HECTD4: variants seen among roughly 807,000 people sequenced by gnomAD.
HECTD4 encodes HECT domain E3 ubiquitin protein ligase 4.
A neutral mutation model predicts 471.5 loss-of-function variants in HECTD4; 114 were observed. The observed-to-expected ratio is 0.24, with a 90% CI of 0.21 to 0.28. The LOEUF (loss-of-function observed/expected upper bound fraction) is 0.28. HECTD4 is among the 10% of genes least tolerant of loss of function. The pLI is 1.00. For synonymous variants in HECTD4, 2,012 were observed against 2,256.0 expected, an observed-to-expected ratio of 0.89 and a Z score of 3.07; for missense variants, 3,866 against 5,651.5, an observed-to-expected ratio of 0.68 and a Z score of 10.13.
In HECTD4 at chr12:112,243,438, G is replaced by T. The variant is rs747196497; in HGVS notation, c.4873C>A (p.Arg1625=). 3 of 1,611,068 alleles carry T rather than the reference G, an allele frequency of 1.9e-6. No individual in the cohort carries two copies. The highest frequency in any genetic ancestry group is 2.5e-6 in the Non-Finnish European group (3 of 1,178,658). The change falls in exon 32 of 76, where the codon CGG becomes AGG. Residue 1625 remains arginine (R), a synonymous_variant. Transcript: ENST00000682272. This position sits in a 1 kb window ranked among gnomAD's most constrained non-coding sequence, Gnocchi z 6.6. Reference sequence around the variant, plus strand: ...CGTACGGCAGCTGTCAGCAATTCCCGCATGTGCACCAGTGCCTGCTTGCGA... The same window carrying T: ...CGTACGGCAGCTGTCAGCAATTCCCTCATGTGCACCAGTGCCTGCTTGCGA... ...NTRKQALVHM[R]ELLTAAVRVG... is the part of the protein sequence containing the mutation.
At position 112,166,196 on chromosome 12, in the gene HECTD4, T is replaced by G. The variant is rs1024855018; in HGVS notation, c.12534+1121A>C. On this transcript the variant is annotated intron_variant, in intron 72 of 75. Transcript: ENST00000682272. The surrounding 1 kb of genome is among the most constrained non-coding windows in gnomAD (Gnocchi z 4.6). ...GGAGACGCATAAACCCCCAGCCCAC[T>G]GTGGGTGTTCTTCCACCCTTTAGAC... The G allele has an allele frequency of 3.3e-5, 5 of 152,250 alleles. No homozygotes were observed. Among genetic ancestry groups the G allele is most frequent in the Admixed American group, 2.0e-4 (3 of 15,282 alleles). The allele number at this position is 152,250 out of a possible 1,614,324, so 9.4% of individuals were successfully genotyped here.
At chr12:112,352,515 T>A (rs1046537662) in intron 1 of HECTD4, among the ~76,000 whole-genome samples, 18 of 151,986 alleles carry the variant, frequency 1.2e-4, no homozygotes, top group African/African-American at 4.3e-4. Flanking sequence ...TTTATATTTT[T>A]AGTAGAGACA....
At chr12:112,324,078 CTTT>C (rs1458103476) in intron 1 of HECTD4, among the ~76,000 whole-genome samples, 1,153 of 88,946 alleles carry the variant, frequency 0.013, 222 homozygotes, top group East Asian at 0.043. Flanking sequence ...TTCTTTCTTT[CTTT>C]CTTTCTTTCT....
chr12:112,275,033 C>T, intron 9 of HECTD4, 73 bp from the exon 10 acceptor site: 1 of 911,760 alleles, frequency 1.1e-6, no homozygotes, highest in Middle Eastern at 2.2e-4. Flanking sequence ...AGGCTTTTAA[C>T]AAGACTTTTA....
At chr12:112,311,750 A>C (rs189789717) in intron 4 of HECTD4, among the ~76,000 whole-genome samples, 31 of 152,324 alleles carry the variant, frequency 2.0e-4, no homozygotes, top group Admixed American at 1.3e-4. Flanking sequence ...CATCCTCCTC[A>C]GTGAGAAACT....
In HECTD4 at chr12:112,360,967, A is replaced by G. The variant is rs576364911; in HGVS notation, c.177+20985T>C. On this transcript the variant is annotated intron_variant, in intron 1 of 75. Transcript: ENST00000682272. ...CCATTGCACTCCAGCCTGGTGAACA[A>G]GAGAGAAACTCCGTCTCAAAAAAAA... is the stretch of plus-strand genomic sequence containing the variant. Among the ~76,000 whole-genome samples, 7 of 151,754 alleles carry G rather than the reference A, an allele frequency of 4.6e-5. No homozygotes were observed. The East Asian group carries it at 1.2e-3, about 25-fold the overall frequency.
At chr12:112,269,139 C>G (rs2034358365) in intron 13 of HECTD4, among the ~76,000 whole-genome samples, 1 of 152,018 alleles carries the variant, frequency 6.6e-6, no homozygotes, top group Admixed American at 6.5e-5. Flanking sequence ...TCCCAAAGTG[C>G]TGGGATTACA....
intron 60 of HECTD4, among the ~76,000 whole-genome samples, chr12:112,186,664 T>C (rs2137031152): frequency 7.1e-6 from 1 of 140,940 alleles, no homozygotes; most frequent in Admixed American, 7.1e-5. Flanking sequence ...TTAAGCTGCT[T>C]TTTTTTTTTT....
chr12:112,274,024 AATAG>A (rs986003161), intron 10 of HECTD4, among the ~76,000 whole-genome samples: 1 of 152,254 alleles, frequency 6.6e-6, no homozygotes, highest in African/African-American at 2.4e-5. Context: ...AATCTCACAA[AATAG>A]ATAGCTCTTA....
rs566348352 is a variant in HECTD4, at chr12:112,269,738, G to A, written c.2287C>T (p.Pro763Ser). 6.2e-7 allele frequency: 1 copy of A among 1,613,912 alleles called. No individual in the cohort carries two copies. Among genetic ancestry groups the A allele is most frequent in the East Asian group, 2.2e-5 (1 of 44,882 alleles). ...AGGCAGACTTCCTTCTGAATTTCAG[G>A]GCAAATTTGATCTTTTGGAGCCATC... is the stretch of plus-strand genomic sequence containing the variant. ...LLMAPKDQIC[P>S]EIQKEVCLAI... Residue 763 changes from proline to serine, a missense_variant, in exon 13 of 76, where the codon CCT becomes TCT. By Grantham distance (74) the Pro-to-Ser change is moderately conservative (BLOSUM62 -1). Coordinates refer to ENST00000682272, the MANE Select transcript of HECTD4 (RefSeq NM_001388303.1).
chr12:112,284,295 A>C (rs1333787176), intron 7 of HECTD4, among the ~76,000 whole-genome samples: 1 of 152,100 alleles, frequency 6.6e-6, no homozygotes, highest in Non-Finnish European at 1.5e-5. Context: ...CTTTTGTCAA[A>C]TCTCTCATGG....
intron 53 of HECTD4, among the ~76,000 whole-genome samples, chr12:112,204,283 C>G (rs974865531): frequency 1.3e-5 from 2 of 152,218 alleles, no homozygotes; most frequent in African/African-American, 4.8e-5. Context: ...CCACTCAGCT[C>G]ATGCTACTGA....
intron 41 of HECTD4, among the ~76,000 whole-genome samples, chr12:112,229,097 C>A (rs1666489031): frequency 6.6e-6 from 1 of 152,054 alleles, no homozygotes; most frequent in Non-Finnish European, 1.5e-5. Flanking sequence ...GAGGTTGAGG[C>A]AGGTGGATCA....
At chr12:112,371,045 T>C (rs1041249385) in intron 1 of HECTD4, among the ~76,000 whole-genome samples, 9 of 152,122 alleles carry the variant, frequency 5.9e-5, no homozygotes, top group South Asian at 2.1e-4. Context: ...GACAGTACTT[T>C]CATAATTAAC....
chr12:112,246,919 T>A lies in HECTD4; in HGVS notation c.4495A>T (p.Thr1499Ser), dbSNP rs544699616. The change falls in exon 29 of 76, where the codon ACC becomes TCC. Residue 1499 changes from threonine (T) to serine (S), a missense_variant. By Grantham distance (58) the Thr-to-Ser change is moderately conservative. Coordinates refer to ENST00000682272, the MANE Select transcript of HECTD4 (RefSeq NM_001388303.1). Reference protein sequence around the residue: ...QSGLTRSISGTPAETPACKSA... With the variant: ...QSGLTRSISGSPAETPACKSA... ...GCAGTACCTGGTGTTTCAGCAGGGG[T>A]CCCAGAGATGCTTCTCGTGAGGCCC... The A allele has an allele frequency of 1.2e-6, 2 of 1,612,106 alleles. No homozygotes were observed. Among genetic ancestry groups the A allele is most frequent in the South Asian group, 2.2e-5 (2 of 90,942 alleles).
rs761650768 is a variant in HECTD4, at chr12:112,185,510, T to C, written c.9473-17A>G. 3.3e-6 allele frequency: 5 copies of C among 1,519,362 alleles called. No homozygotes were observed. The highest frequency in any genetic ancestry group is 4.4e-6 in the Non-Finnish European group (5 of 1,127,704). 94.1% of individuals were successfully genotyped at this position (1,519,362 alleles called of 1,614,324 possible). A position where few individuals can be genotyped will look rare whatever the true frequency, so the allele number is the denominator to read the frequency against. On this transcript the variant is annotated splice_polypyrimidine_tract_variant and intron_variant, in intron 60 of 75. Coordinates refer to ENST00000682272, the MANE Select transcript of HECTD4 (RefSeq NM_001388303.1). ...AGAAGTTTCCTGAGGCAAATGAAAA[T>C]AGTAACAGTAATTACTATGCAGCAC...
intron 7 of HECTD4, chr12:112,302,758 T>C (rs2035190972): frequency 3.0e-6 from 1 of 329,164 alleles, no homozygotes. Context: ...TTTCTAATGA[T>C]CCTTGGTAGT....
intron 45 of HECTD4, 147 bp from the exon 46 acceptor site, chr12:112,217,342 C>T (rs2032951733): frequency 6.4e-6 from 3 of 472,222 alleles, no homozygotes; most frequent in Non-Finnish European, 1.1e-5. Flanking sequence ...CACATACACA[C>T]ACACACACAC....
chr12:112,266,310 GAAGAT>G (rs1355053676), intron 14 of HECTD4, among the ~76,000 whole-genome samples: 2 of 152,146 alleles, frequency 1.3e-5, no homozygotes, highest in Non-Finnish European at 2.9e-5. Context: ...TCTAATGTGT[GAAGAT>G]AACTGGCTTA....
Sources: gnomAD v4.1 joint callset for allele counts (sites outside exome capture counted in the v4.1 genomes callset) on GRCh38, gnomAD v4.1.1 for gene constraint, Gnocchi (gnomAD v3.1) non-coding constraint, MANE v1.5 for transcripts, NCBI Gene and HGNC (gene_info 2026-07-23, HGNC 2026-07-21) for gene names.